Variants in VWA3B observed in about 807,000 individuals in gnomAD.
VWA3B encodes von Willebrand factor A domain-containing protein 3B.
A neutral mutation model predicts 158.3 loss-of-function variants in VWA3B; 138 were observed. The ratio of observed to expected loss-of-function variants is 0.87; its 90% CI spans 0.76 to 1.00. VWA3B has a LOEUF of 1.00. Ranked by LOEUF, VWA3B falls within the 50% of genes least tolerant of loss-of-function variation. The probability of loss-of-function intolerance (pLI) is 0.00; values close to 1 mark genes in which losing one functional copy is unlikely to be tolerated. For missense variants in VWA3B, 1,555 were observed against 1,565.1 expected, an observed-to-expected ratio of 0.99 and a Z score of 0.11; for synonymous variants, 596 against 587.3, an observed-to-expected ratio of 1.01 and a Z score of -0.21.
chr2:98,145,720 C>T (rs1380480212), intron 7 of VWA3B, among the ~76,000 whole-genome samples: 2 of 151,470 alleles, frequency 1.3e-5, no homozygotes, highest in African/African-American at 4.9e-5. Context: ...TTTCCTCTTT[C>T]CTGAGTGTTT....
At chr2:98,176,055 A>T (rs1383256525) in intron 8 of VWA3B, among the ~76,000 whole-genome samples, 1 of 152,166 alleles carries the variant, frequency 6.6e-6, no homozygotes. Context: ...CGGATCTCAG[A>T]TTGGGATGGG....
At chr2:98,216,171 A>G (rs1433654282) in intron 13 of VWA3B, among the ~76,000 whole-genome samples, 3 of 152,254 alleles carry the variant, frequency 2.0e-5, no homozygotes, top group Non-Finnish European at 4.4e-5. Context: ...TTATAAGGTG[A>G]CACAGTCTTT....
chr2:98,174,592 A>G (rs1341002527), intron 8 of VWA3B, among the ~76,000 whole-genome samples: 1 of 152,196 alleles, frequency 6.6e-6, no homozygotes, highest in East Asian at 1.9e-4. Context: ...CAAGAGGTAA[A>G]CCAAAACACT....
intron 2 of VWA3B, among the ~76,000 whole-genome samples, chr2:98,107,001 T>C (rs1244555236): frequency 6.6e-6 from 1 of 152,176 alleles, no homozygotes; most frequent in Non-Finnish European, 1.5e-5. Flanking sequence ...TTTTAAAAAT[T>C]ATATTGTGGA....
chr2:98,132,999 G>A (rs955318886), intron 6 of VWA3B, among the ~76,000 whole-genome samples: 6 of 152,176 alleles, frequency 3.9e-5, no homozygotes, highest in African/African-American at 1.4e-4. Context: ...GAACTCCTGC[G>A]TGGCTGGTGG....
At chr2:98,264,707 C>T (rs942135632) in intron 21 of VWA3B, among the ~76,000 whole-genome samples, 1 of 152,046 alleles carries the variant, frequency 6.6e-6, no homozygotes, top group Non-Finnish European at 1.5e-5. Context: ...GGAGGGTTCT[C>T]CACATGTTGG....
intron 9 of VWA3B, among the ~76,000 whole-genome samples, chr2:98,186,863 T>G (rs1445617312): frequency 6.6e-6 from 1 of 152,056 alleles, no homozygotes; most frequent in Admixed American, 6.6e-5. Flanking sequence ...GAAGAGTCCT[T>G]TTTCACTCAG....
Position 98,133,905 on chromosome 2 carries a change from G to A in VWA3B, c.954G>A (p.Trp318Ter), listed in dbSNP as rs761742507. The change falls in exon 7 of 28, where the codon TGG becomes TGA. Residue 318 changes from tryptophan to a stop codon, truncating the protein, a stop_gained. Transcript: ENST00000477737. LOFTEE classifies it high-confidence loss of function. ...AGGATGGTGACAATGTGATGACTTG[G>A]AATTCAAGGAAACTGAAAGGAAAAC... ...STKDGDNVMTWNSRKLKGKLP... is the reference protein window; with the variant it reads ...STKDGDNVMT The A allele has an allele frequency of 2.5e-6, 4 of 1,614,084 alleles. No individual in the cohort carries two copies. Among genetic ancestry groups the A allele is most frequent in the Non-Finnish European group, 3.4e-6 (4 of 1,180,006 alleles).
intron 9 of VWA3B, among the ~76,000 whole-genome samples, chr2:98,187,622 C>G (rs187723264): frequency 6.6e-6 from 1 of 151,016 alleles, no homozygotes; most frequent in Non-Finnish European, 1.5e-5. Context: ...CTCCACATTG[C>G]TATGTCTCTC....
rs1482240823 is a variant in VWA3B at position 98,194,463 on chromosome 2, C to T, written c.1708C>T (p.Gln570Ter). The T allele has an allele frequency of 1.9e-6, 3 of 1,614,062 alleles. No homozygotes were observed. Among genetic ancestry groups the T allele is most frequent in the Admixed American group, 3.3e-5 (2 of 60,024 alleles). ...TGAAGTCAATGAAGATAATTTGGAACAGGCTCAGTCCTGGATTAGAGACAT... is the reference window on the plus strand; with the variant it reads ...TGAAGTCAATGAAGATAATTTGGAATAGGCTCAGTCCTGGATTAGAGACAT... The part of the protein sequence containing the change: ...LAEVNEDNLE[Q>*]AQSWIRDIKI... Residue 570 changes from glutamine to a stop codon, truncating the protein, a stop_gained, in exon 12 of 28, where the codon CAG (glutamine) becomes TAG (stop). Coordinates refer to ENST00000477737, the MANE Select transcript of VWA3B (RefSeq NM_144992.5). LOFTEE classifies it high-confidence loss of function.
At chr2:98,316,669 TA>T (rs1305141721), downstream of VWA3B, among the ~76,000 whole-genome samples, 4 of 149,126 alleles carry the variant, frequency 2.7e-5, no homozygotes, top group Non-Finnish European at 5.9e-5. Flanking sequence ...AAAAAAAGTG[TA>T]ATCCCCAATG....
chr2:98,211,117 G>A (rs543680324), intron 12 of VWA3B, among the ~76,000 whole-genome samples: 1 of 152,224 alleles, frequency 6.6e-6, no homozygotes, highest in African/African-American at 2.4e-5. Context: ...TCCCAACCCA[G>A]GTTATCCTGT....
intron 7 of VWA3B, among the ~76,000 whole-genome samples, chr2:98,140,118 C>T (rs946204573): frequency 2.0e-5 from 3 of 152,124 alleles, no homozygotes; most frequent in African/African-American, 2.4e-5. Flanking sequence ...GAAGAAACTC[C>T]GAACACATCC....
At chr2:98,179,812 TTC>T (rs1306892968) in intron 8 of VWA3B, among the ~76,000 whole-genome samples, 2 of 142,198 alleles carry the variant, frequency 1.4e-5, no homozygotes, top group Admixed American at 6.9e-5. Context: ...CTTTCTTTCT[TTC>T]TTTCTTTCTT....
intron 12 of VWA3B, among the ~76,000 whole-genome samples, chr2:98,210,861 G>A (rs1206826045): frequency 6.6e-6 from 1 of 152,194 alleles, no homozygotes; most frequent in East Asian, 1.9e-4. Flanking sequence ...AACCTCCTAG[G>A]CTTTGACTTG....
chr2:98,330,133 G>C, the VWA3B span, among the ~76,000 whole-genome samples: 4 of 152,288 alleles, frequency 2.6e-5, no homozygotes, highest in African/African-American at 9.6e-5. Context: ...TCTTCCAAGG[G>C]AGGGACTGCA....
At chr2:98,190,610 G>A (rs1434122415) in intron 10 of VWA3B, among the ~76,000 whole-genome samples, 1 of 152,012 alleles carries the variant, frequency 6.6e-6, no homozygotes, top group Non-Finnish European at 1.5e-5. Flanking sequence ...CTTTATTTTC[G>A]AATGATGTGT....
At chr2:98,216,253 C>T (rs1221151936) in intron 13 of VWA3B, among the ~76,000 whole-genome samples, 1 of 152,270 alleles carries the variant, frequency 6.6e-6, no homozygotes, top group African/African-American at 2.4e-5. Context: ...ATCATATACA[C>T]ATTGGATAAG....
chr2:98,198,768 A>G (rs1021670191), intron 12 of VWA3B, among the ~76,000 whole-genome samples: 1 of 152,134 alleles, frequency 6.6e-6, no homozygotes, highest in Non-Finnish European at 1.5e-5. Flanking sequence ...ACAAAATCAT[A>G]CAATAGAACT....
Sources: gnomAD v4.1 joint callset for allele counts (sites outside exome capture counted in the v4.1 genomes callset) on GRCh38, gnomAD v4.1.1 for gene constraint, MANE v1.5 for transcripts, NCBI Gene and HGNC (gene_info 2026-07-23, HGNC 2026-07-21) for gene names.